Variants in RPRD1A observed in about 807,000 individuals in gnomAD.
RPRD1A encodes the protein regulation of nuclear pre-mRNA domain-containing protein 1A.
A neutral mutation model predicts 37.8 loss-of-function variants in RPRD1A; 9 were observed. The observed-to-expected ratio is 0.24, with a 90% confidence interval of 0.14 to 0.42. RPRD1A has a LOEUF of 0.42. Ranked by LOEUF, RPRD1A falls within the 10% of genes least tolerant of loss-of-function variation. RPRD1A has a pLI of 1.00. For missense variants in RPRD1A, 255 were observed against 371.0 expected (o/e 0.69, Z 2.57); for synonymous variants, 138 against 139.7 (o/e 0.99, Z 0.08).
At chr18:36,047,360 C>A (rs1409278050) in intron 1 of RPRD1A, among the ~76,000 whole-genome samples, 1 of 151,910 alleles carries the variant, frequency 6.6e-6, no homozygotes, top group African/African-American at 2.4e-5. Flanking sequence ...ACCAAAGGTA[C>A]ACATGAAAAA....
At chr18:36,008,004 G>C (rs1909857759) in intron 6 of RPRD1A, among the ~76,000 whole-genome samples, 1 of 151,976 alleles carries the variant, frequency 6.6e-6, no homozygotes, top group East Asian at 1.9e-4. Context: ...TCTCAGCCAG[G>C]AGGCTGAGAC....
intron 6 of RPRD1A, among the ~76,000 whole-genome samples, chr18:36,014,972 T>C (rs75516935): frequency 0.017 from 2,525 of 151,980 alleles, 91 homozygotes; most frequent in Admixed American, 0.082. Flanking sequence ...GTGGAGAAAA[T>C]GGAACCCTCG....
chr18:36,016,609 G>A (rs1013197871), intron 6 of RPRD1A, among the ~76,000 whole-genome samples: 4 of 152,120 alleles, frequency 2.6e-5, no homozygotes, highest in African/African-American at 9.7e-5. Context: ...AGGAATTTAT[G>A]AGAAGACTAT....
At chr18:36,014,945 C>G (rs1910411782) in intron 6 of RPRD1A, among the ~76,000 whole-genome samples, 2 of 151,912 alleles carry the variant, frequency 1.3e-5, no homozygotes. Flanking sequence ...CAGAAAACAC[C>G]AAATGTTGGT....
intron 6 of RPRD1A, among the ~76,000 whole-genome samples, chr18:36,017,939 C>A (rs1035338202): frequency 6.6e-6 from 1 of 152,172 alleles, no homozygotes. Context: ...TTCTTATTCA[C>A]GTTATTCTCA....
intron 1 of RPRD1A, among the ~76,000 whole-genome samples, chr18:36,039,344 T>G (rs140185022): frequency 6.6e-6 from 1 of 152,192 alleles, no homozygotes; most frequent in Non-Finnish European, 1.5e-5. Flanking sequence ...TACAATTACC[T>G]AAAAAGTTGA....
intron 1 of RPRD1A, chr18:36,064,198 C>G (rs1393089651): frequency 3.3e-5 from 5 of 152,496 alleles, no homozygotes; most frequent in Admixed American, 1.3e-4. Flanking sequence ...CCCCTCTCTG[C>G]GGCTGGCAGA....
At chr18:36,043,462 T>C (rs1245085049) in intron 1 of RPRD1A, among the ~76,000 whole-genome samples, 1 of 152,110 alleles carries the variant, frequency 6.6e-6, no homozygotes, top group Non-Finnish European at 1.5e-5. Context: ...CCAAAGGAAA[T>C]GCAAATTCCT....
At chr18:36,063,305 C>T (rs904597609) in intron 1 of RPRD1A, among the ~76,000 whole-genome samples, 5 of 152,178 alleles carry the variant, frequency 3.3e-5, no homozygotes, top group African/African-American at 1.2e-4. Flanking sequence ...ACCTCAGCCT[C>T]CTTAGGCCTG....
Position 35,993,191 on chromosome 18 carries a change from A to G in RPRD1A, c.899T>C (p.Met300Thr). 1 of 1,614,194 alleles carries G rather than the reference A, an allele frequency of 6.2e-7. No individual in the cohort carries two copies. The highest frequency in any genetic ancestry group is 1.1e-5 in the South Asian group (1 of 91,084). The stretch of plus-strand genomic sequence containing the variant: ...GATGTCTCCCGCAAAGGGCAGGTGC[A>G]TGTGGCTGCCAGTGACATTGGGCAA... ...SRLPNVTGSH[M>T]HLPFAGDIYS... Residue 300 changes from methionine (M) to threonine (T), a missense_variant, in exon 7 of 7, where the codon ATG (methionine) becomes ACG (threonine). Transcript: ENST00000399022.
At chr18:36,062,817 G>A (rs1197596341) in intron 1 of RPRD1A, among the ~76,000 whole-genome samples, 1 of 152,154 alleles carries the variant, frequency 6.6e-6, no homozygotes, top group Non-Finnish European at 1.5e-5. Context: ...CAGCTAAATG[G>A]CATGGAGTTT....
intron 6 of RPRD1A, among the ~76,000 whole-genome samples, chr18:36,006,677 C>G (rs1301928126): frequency 6.6e-6 from 1 of 152,170 alleles, no homozygotes; most frequent in Non-Finnish European, 1.5e-5. Flanking sequence ...AGTCCCCCAT[C>G]CCCCAGCCCA....
intron 6 of RPRD1A, among the ~76,000 whole-genome samples, chr18:36,008,555 G>A (rs1453586071): frequency 3.9e-5 from 2 of 51,722 alleles, no homozygotes; most frequent in Admixed American, 1.9e-4. Flanking sequence ...TAGCCTGGGC[G>A]ACACAGCAAG....
At chr18:36,035,903 A>G (rs1022247737) in intron 1 of RPRD1A, among the ~76,000 whole-genome samples, 1 of 152,130 alleles carries the variant, frequency 6.6e-6, no homozygotes, top group Non-Finnish European at 1.5e-5. Flanking sequence ...AGAAAAAAAG[A>G]GTAGAAGGAT....
chr18:36,043,196 C>CGGA (rs1912708985), intron 1 of RPRD1A, among the ~76,000 whole-genome samples: 3 of 65,642 alleles, frequency 4.6e-5, no homozygotes, highest in Non-Finnish European at 6.1e-5. Flanking sequence ...CAAGAAGAAT[C>CGGA]GGGGGGGGGG....
At chr18:36,014,220 G>A (rs1452175678) in intron 6 of RPRD1A, among the ~76,000 whole-genome samples, 1 of 152,094 alleles carries the variant, frequency 6.6e-6, no homozygotes, top group African/African-American at 2.4e-5. Context: ...TCTAGCAATT[G>A]TCCAGAAGAT....
intron 5 of RPRD1A, 45 bp from the exon 6 acceptor site, chr18:36,027,120 T>C (rs1911425492): frequency 6.2e-7 from 1 of 1,610,662 alleles, no homozygotes; most frequent in African/African-American, 1.3e-5. Context: ...ACAAAAACAA[T>C]GACATATGCT....
chr18:36,022,509 G>C (rs1259596459), intron 6 of RPRD1A, among the ~76,000 whole-genome samples: 1 of 152,202 alleles, frequency 6.6e-6, no homozygotes, highest in South Asian at 2.1e-4. Context: ...TTTAAGTAGA[G>C]GCCAATGTTC....
At chr18:36,034,483 C>A (rs1407159362) in intron 1 of RPRD1A, among the ~76,000 whole-genome samples, 2 of 152,160 alleles carry the variant, frequency 1.3e-5, no homozygotes, top group Non-Finnish European at 2.9e-5. Flanking sequence ...AAGATTTCAA[C>A]AGTTGTGGGC....
Sources: allele counts gnomAD v4.1 joint callset (sites outside exome capture counted in the v4.1 genomes callset), GRCh38; gene constraint gnomAD v4.1.1; transcripts MANE v1.5; gene names NCBI Gene and HGNC (gene_info 2026-07-23, HGNC 2026-07-21).